Variants in PPARGC1A observed in about 807,000 individuals in gnomAD.
The protein encoded by PPARGC1A is PPARG coactivator 1 alpha.
In PPARGC1A, 25 loss-of-function variants were observed where a neutral mutation model predicts 88.7. The observed-to-expected ratio is 0.28, with a 90% confidence interval of 0.21 to 0.39. The LOEUF (loss-of-function observed/expected upper bound fraction) is 0.39. PPARGC1A is among the 10% of genes least tolerant of loss of function. PPARGC1A has a pLI of 1.00. For missense variants in PPARGC1A, 880 were observed against 968.7 expected (o/e 0.91, Z 1.22); for synonymous variants, 363 against 355.6 (o/e 1.02, Z -0.24).
At chr4:23,972,748 A>G in the PPARGC1A span, among the ~76,000 whole-genome samples, 1 of 152,234 alleles carries the variant, frequency 6.6e-6, no homozygotes, top group Non-Finnish European at 1.5e-5. Context: ...TATTTCCCAA[A>G]TTTATCTGAG....
chr4:24,335,212 T>A, the PPARGC1A span, among the ~76,000 whole-genome samples: 1 of 152,236 alleles, frequency 6.6e-6, no homozygotes, highest in African/African-American at 2.4e-5. Context: ...GAGCACATAG[T>A]ATGTGTTAGG....
chr4:24,231,148 C>A, the PPARGC1A span, among the ~76,000 whole-genome samples: 2 of 152,044 alleles, frequency 1.3e-5, no homozygotes. Context: ...AAGTCCATTG[C>A]CCAAAACCCC....
chr4:24,015,706 A>G, the PPARGC1A span, among the ~76,000 whole-genome samples: 95,439 of 152,052 alleles, frequency 0.63, 30,631 homozygotes, highest in African/African-American at 0.76. Context: ...TCTTCAAAGT[A>G]CTTGTCATTT....
the PPARGC1A span, among the ~76,000 whole-genome samples, chr4:24,015,901 T>C: frequency 6.6e-6 from 1 of 152,162 alleles, no homozygotes; most frequent in East Asian, 1.9e-4. Context: ...ACCTGCTTTA[T>C]TGCCAACAGT....
the PPARGC1A span, among the ~76,000 whole-genome samples, chr4:24,301,028 T>C: frequency 6.6e-6 from 1 of 152,062 alleles, no homozygotes; most frequent in South Asian, 2.1e-4. Flanking sequence ...GTATTTCTGG[T>C]CTTTATTCAT....
At chr4:24,095,153 T>A in the PPARGC1A span, among the ~76,000 whole-genome samples, 1 of 141,082 alleles carries the variant, frequency 7.1e-6, no homozygotes, top group Non-Finnish European at 1.5e-5. Flanking sequence ...AGTCTCACTC[T>A]GTCACCCAGG....
the PPARGC1A span, among the ~76,000 whole-genome samples, chr4:23,996,094 C>T: frequency 6.6e-6 from 1 of 151,964 alleles, no homozygotes; most frequent in Non-Finnish European, 1.5e-5. Context: ...TCTTAGTTGC[C>T]CAGACATTGT....
At chr4:24,417,449 C>A in the PPARGC1A span, among the ~76,000 whole-genome samples, 7 of 152,160 alleles carry the variant, frequency 4.6e-5, no homozygotes, top group Admixed American at 1.3e-4. Context: ...GATTTGAGAG[C>A]CCTGAAATCT....
the PPARGC1A span, among the ~76,000 whole-genome samples, chr4:23,960,884 A>T: frequency 6.6e-6 from 1 of 152,298 alleles, no homozygotes; most frequent in East Asian, 1.9e-4. Flanking sequence ...TTCTATGTAC[A>T]TGGTAAAACC....
In PPARGC1A at chr4:23,828,420, G is replaced by A. The variant is rs772223540; in HGVS notation, c.737C>T (p.Ser246Leu). 4.3e-6 allele frequency: 7 copies of A among 1,613,706 alleles called. No individual in the cohort carries two copies. The highest frequency in any genetic ancestry group is 5.9e-6 in the Non-Finnish European group (7 of 1,179,820). Reference protein sequence around the residue: ...CTSKKKSHTQSQSQHLQAKPT... With the variant: ...CTSKKKSHTQLQSQHLQAKPT... ...CCTACCTTGTAAGTGTTGTGACTGCGACTGTGTGTGGGACTTCTTTTTGGA... is the reference window on the plus strand; with the variant it reads ...CCTACCTTGTAAGTGTTGTGACTGCAACTGTGTGTGGGACTTCTTTTTGGA... The change falls in exon 5 of 13, where the codon TCG becomes TTG. Residue 246 changes from serine (S) to leucine (L), a missense_variant. By Grantham distance (145) the Ser-to-Leu change is moderately radical (BLOSUM62 -2). Transcript: ENST00000264867.
At chr4:24,407,837 C>T in the PPARGC1A span, among the ~76,000 whole-genome samples, 1 of 152,100 alleles carries the variant, frequency 6.6e-6, no homozygotes, top group African/African-American at 2.4e-5. Flanking sequence ...CTGCCTGACA[C>T]ATAGTTAGCA....
chr4:24,045,922 T>C, the PPARGC1A span, among the ~76,000 whole-genome samples: 1 of 152,056 alleles, frequency 6.6e-6, no homozygotes. Context: ...TTAGCAACAG[T>C]CACCAAGCCA....
the PPARGC1A span, among the ~76,000 whole-genome samples, chr4:24,272,910 C>T: frequency 6.6e-6 from 1 of 152,154 alleles, no homozygotes; most frequent in East Asian, 1.9e-4. Flanking sequence ...GACCCAGGTA[C>T]AGTATTCATT....
chr4:24,276,728 A>T, the PPARGC1A span, among the ~76,000 whole-genome samples: 1 of 152,230 alleles, frequency 6.6e-6, no homozygotes, highest in Non-Finnish European at 1.5e-5. Context: ...ACCTAAGAGA[A>T]GAAATAGCTT....
At chr4:24,039,189 TC>T in the PPARGC1A span, among the ~76,000 whole-genome samples, 32 of 152,294 alleles carry the variant, frequency 2.1e-4, no homozygotes, top group Middle Eastern at 6.8e-3. Flanking sequence ...TGGAAGCATA[TC>T]TTAACGGGAT....
the PPARGC1A span, among the ~76,000 whole-genome samples, chr4:24,125,168 G>A: frequency 2.0e-5 from 3 of 152,082 alleles, no homozygotes; most frequent in African/African-American, 7.2e-5. Context: ...AAGTTATATA[G>A]AGTCCAACAA....
the PPARGC1A span, among the ~76,000 whole-genome samples, chr4:23,958,112 T>C: frequency 1.1e-4 from 17 of 152,240 alleles, no homozygotes; most frequent in African/African-American, 4.1e-4. Context: ...GGAATGAAAC[T>C]TTTACTTGCT....
chr4:24,191,075 A>G, the PPARGC1A span, among the ~76,000 whole-genome samples: 1 of 152,234 alleles, frequency 6.6e-6, no homozygotes, highest in African/African-American at 2.4e-5. Flanking sequence ...GACCGTGGAC[A>G]AAAGGCAGTG....
At chr4:23,898,028 G>C (rs918467200) in intron 1 of PPARGC1A, among the ~76,000 whole-genome samples, 1 of 152,074 alleles carries the variant, frequency 6.6e-6, no homozygotes, top group African/African-American at 2.4e-5. Flanking sequence ...TTATATTCAG[G>C]GTTTTGTAAA....
Sources: gnomAD v4.1 joint callset for allele counts (sites outside exome capture counted in the v4.1 genomes callset) on GRCh38, gnomAD v4.1.1 for gene constraint, MANE v1.5 for transcripts, NCBI Gene and HGNC (gene_info 2026-07-23, HGNC 2026-07-21) for gene names.